WNT7A: variants seen among roughly 807,000 people sequenced by gnomAD.
WNT7A encodes the protein Wnt family member 7A.
Under a neutral mutation model 28.2 loss-of-function variants are expected in WNT7A, and 16 were observed. The ratio of observed to expected loss-of-function variants is 0.57; its 90% CI spans 0.38 to 0.86. WNT7A has a LOEUF of 0.86. Among genes scored for constraint, WNT7A ranks in the 40% least tolerant of loss-of-function variants. The pLI is 0.00. For missense variants in WNT7A, 411 were observed against 489.7 expected, an observed-to-expected ratio of 0.84 and a Z score of 1.52; for synonymous variants, 190 against 195.9, an observed-to-expected ratio of 0.97 and a Z score of 0.25.
chr3:13,868,591 GGAGA>G lies in WNT7A; in HGVS notation c.298+6352_298+6355del, dbSNP rs1326375513. Among the ~76,000 whole-genome samples, 61 of 13,496 alleles carry G rather than the reference GGAGA, an allele frequency of 4.5e-3. 11 individuals carry two copies. Among genetic ancestry groups the G allele is most frequent in the Admixed American group, 8.5e-3 (9 of 1,056 alleles). The allele number at this position is 13,496 out of a possible 152,430, so 8.9% of individuals were successfully genotyped here. ...GAGAGAGAGAGAGAGAGAGAGAGAG[GGAGA>G]AAGAAAGAAAGAAAGAGAGAGAGAG... On this transcript the variant is annotated intron_variant, in intron 2 of 3. Transcript: ENST00000285018.
chr3:13,875,567 T>C (rs899816626), intron 1 of WNT7A, among the ~76,000 whole-genome samples: 1 of 151,980 alleles, frequency 6.6e-6, no homozygotes, highest in African/African-American at 2.4e-5. Flanking sequence ...TTTGGTAAAA[T>C]TGTAAAGGCA....
chr3:13,821,560 G>A (rs1241657404), intron 3 of WNT7A, among the ~76,000 whole-genome samples: 1 of 152,214 alleles, frequency 6.6e-6, no homozygotes, highest in Non-Finnish European at 1.5e-5. Context: ...CACAGCGTGT[G>A]CATTTCAGTG....
Position 13,874,958 on chromosome 3 carries a change from T to C in WNT7A, c.287A>G (p.Glu96Gly), listed in dbSNP as rs764794855. ...GGGTGAGCACATACCCACTTTGAGC[T>C]CCTTCCCGAAGACGGTGCGCTCTCC... The part of the protein sequence containing the change: ...ALGERTVFGK[E>G]LKVGSREAAF... The change falls in exon 2 of 4, where the codon GAG becomes GGG. Residue 96 changes from glutamate (E) to glycine (G), a missense_variant. By Grantham distance (98) the Glu-to-Gly change is moderately conservative (BLOSUM62 -2). Coordinates refer to ENST00000285018, the MANE Select transcript of WNT7A (RefSeq NM_004625.4). 2 of 1,614,004 alleles carry C rather than the reference T, an allele frequency of 1.2e-6. No individual in the cohort carries two copies. Among genetic ancestry groups the C allele is most frequent in the Non-Finnish European group, 1.7e-6 (2 of 1,180,016 alleles).
Position 13,848,713 on chromosome 3 carries a change from A to G in WNT7A, c.570+5819T>C, listed in dbSNP as rs114212371. 7.9e-3 allele frequency among the ~76,000 whole-genome samples: 1,198 copies of G among 152,376 alleles called. 19 individuals carry two copies. The highest frequency in any genetic ancestry group is 0.027 in the African/African-American group (1,123 of 41,586). ...TTCTTATAAAGCTAAACATACAGCC[A>G]TCAGACATTTGTGCTCTTGGACATT... On this transcript the variant is annotated intron_variant, in intron 3 of 3. Coordinates refer to ENST00000285018, the MANE Select transcript of WNT7A (RefSeq NM_004625.4).
chr3:13,819,565 C>T lies in WNT7A; in HGVS notation c.571-142G>A, dbSNP rs1694079368. On this transcript the variant is annotated intron_variant, in intron 3 of 3. Coordinates refer to ENST00000285018, the MANE Select transcript of WNT7A (RefSeq NM_004625.4). ...TTTTTTCTTTCTGGTGTAGGAAACT[C>T]AGACCTGGATTCTAGGCCCTCTCAT... is the stretch of plus-strand genomic sequence containing the variant. 2.5e-6 allele frequency: 3 copies of T among 1,221,444 alleles called. No homozygotes were observed. The South Asian group carries it at 4.8e-5, about 19-fold the overall frequency. The allele number at this position is 1,221,444 out of a possible 1,614,324, so 75.7% of individuals were successfully genotyped here. A position where few individuals can be genotyped will look rare whatever the true frequency, so the allele number is the denominator to read the frequency against.
In WNT7A at chr3:13,859,255, C is replaced by T. The variant is rs571295967; in HGVS notation, c.299-4452G>A. 9.2e-5 allele frequency among the ~76,000 whole-genome samples: 14 copies of T among 152,260 alleles called. No individual in the cohort carries two copies. In the South Asian group the frequency reaches 2.7e-3, roughly 29 times the overall value. ...GATGACAGGGACCATATCTGTCACT[C>T]CCACCGTCTCCAACCTCCTCCAAAA... On this transcript the variant is annotated intron_variant, in intron 2 of 3. Transcript: ENST00000285018.
chr3:13,836,960 C>G (rs1439181312), intron 3 of WNT7A, among the ~76,000 whole-genome samples: 1 of 152,158 alleles, frequency 6.6e-6, no homozygotes, highest in East Asian at 1.9e-4. Flanking sequence ...GAAGGGAGGC[C>G]TAGATGGAAC....
chr3:13,831,149 A>G (rs1244304201), intron 3 of WNT7A, among the ~76,000 whole-genome samples: 3 of 152,198 alleles, frequency 2.0e-5, no homozygotes, highest in African/African-American at 7.2e-5. Context: ...GCCGGCCTCA[A>G]GCCCAAGCTG....
chr3:13,856,881 GAAGAAGAAGAAA>G (rs1212662151), intron 2 of WNT7A, among the ~76,000 whole-genome samples: 2,601 of 62,916 alleles, frequency 0.041, 64 homozygotes, highest in East Asian at 0.14. Context: ...GGAAGAAGAG[GAAGAAGAAGAAA>G]AAGAAGAAGA....
At chr3:13,833,221 G>T (rs1049654194) in intron 3 of WNT7A, among the ~76,000 whole-genome samples, 1 of 152,084 alleles carries the variant, frequency 6.6e-6, no homozygotes, top group Non-Finnish European at 1.5e-5. Flanking sequence ...ACACTCTTAC[G>T]CCTGTGCGCA....
Position 13,854,619 on chromosome 3 carries a change from G to T in WNT7A, c.483C>A (p.Gly161=). 1 of 1,614,202 alleles carries T rather than the reference G, an allele frequency of 6.2e-7. No homozygotes were observed. The highest frequency in any genetic ancestry group is 8.5e-7 in the Non-Finnish European group (1 of 1,180,046). The change falls in exon 3 of 4, where the codon GGC becomes GGA. Residue 161 remains glycine, a synonymous_variant. Transcript: ENST00000285018. ...GGGCATCCACAAAGACCTTGGCGAA[G>T]CCGATGCCGTAGCGGATGTCGGCAG... is the stretch of plus-strand genomic sequence containing the variant. ...GCSADIRYGI[G]FAKVFVDARE... is the part of the protein sequence containing the mutation.
Position 13,819,325 on chromosome 3 carries a change from C to A in WNT7A, c.669G>T (p.Glu223Asp), listed in dbSNP as rs778965396. ...TCWTTLPQFR[E>D]LGYVLKDKYN... ...ACTTGTCCTTGAGCACGTAGCCCAG[C>A]TCCCGAAACTGTGGCAGTGTGGTCC... The change falls in exon 4 of 4, where the codon GAG (glutamate) becomes GAT (aspartate). Residue 223 changes from glutamate (E) to aspartate (D), a missense_variant. Glu to Asp is a conservative substitution (Grantham distance 45). Coordinates refer to ENST00000285018, the MANE Select transcript of WNT7A (RefSeq NM_004625.4). The A allele has an allele frequency of 2.0e-5, 33 of 1,613,056 alleles. No homozygotes were observed. Among genetic ancestry groups the A allele is most frequent in the Non-Finnish European group, 2.5e-5 (29 of 1,179,308 alleles).
rs1694444350 is a variant in WNT7A, at chr3:13,840,736, T to C, written c.570+13796A>G. On this transcript the variant is annotated intron_variant, in intron 3 of 3. Coordinates refer to ENST00000285018, the MANE Select transcript of WNT7A (RefSeq NM_004625.4). ...CATCTATTCATTCATATTCCATTCA[T>C]TCAACCAGCCTTCCCATTACTATCT... Among the ~76,000 whole-genome samples the C allele has an allele frequency of 2.0e-5, 3 of 152,204 alleles. No individual in the cohort carries two copies. In the South Asian group the frequency reaches 6.2e-4, roughly 32 times the overall value.
At chr3:13,825,770 ACCGAGT>A (rs760886870) in intron 3 of WNT7A, among the ~76,000 whole-genome samples, 29 of 152,216 alleles carry the variant, frequency 1.9e-4, no homozygotes, top group Non-Finnish European at 3.7e-4. Flanking sequence ...AATGGGCAGG[ACCGAGT>A]CCAGTGCTCC....
chr3:13,829,043 G>A (rs577795083), intron 3 of WNT7A, among the ~76,000 whole-genome samples: 3 of 152,128 alleles, frequency 2.0e-5, no homozygotes, highest in East Asian at 1.9e-4. Context: ...ATAACACATC[G>A]CCTGAAAAAA....
intron 1 of WNT7A, chr3:13,875,790 A>T (rs944229642): frequency 6.3e-6 from 1 of 157,580 alleles, no homozygotes; most frequent in Non-Finnish European, 1.4e-5. Context: ...GAGTACATGT[A>T]TCCCACTCCG....
At chr3:13,819,745 G>A (rs2124824413) in intron 3 of WNT7A, among the ~76,000 whole-genome samples, 1 of 152,340 alleles carries the variant, frequency 6.6e-6, no homozygotes, top group Admixed American at 6.5e-5. Flanking sequence ...CACAAAGAAT[G>A]GATCTTTAAG....
intron 1 of WNT7A, 45 bp from the exon 2 acceptor site, chr3:13,875,218 G>T (rs1176707404): frequency 1.2e-6 from 2 of 1,602,636 alleles, no homozygotes; most frequent in East Asian, 4.5e-5. Context: ...GCCAGCAAGG[G>T]GGCATGGCCT....
intron 3 of WNT7A, among the ~76,000 whole-genome samples, chr3:13,836,955 G>A (rs1423075296): frequency 1.3e-5 from 2 of 152,180 alleles, no homozygotes; most frequent in African/African-American, 4.8e-5. Flanking sequence ...GACCTGAAGG[G>A]AGGCCTAGAT....
Sources: gnomAD v4.1 joint callset for allele counts (sites outside exome capture counted in the v4.1 genomes callset) on GRCh38, gnomAD v4.1.1 for gene constraint, MANE v1.5 for transcripts, NCBI Gene and HGNC (gene_info 2026-07-23, HGNC 2026-07-21) for gene names.